The following CPLANE1 variants were observed in gnomAD, a reference collection of about 807,000 sequenced individuals.
The protein encoded by CPLANE1 is ciliogenesis and planar polarity effector complex subunit 1, also known as ciliogenesis and planar polarity effector 1.
Under a neutral mutation model 362.5 loss-of-function variants are expected in CPLANE1, and 263 were observed. That is an observed-to-expected ratio of 0.73 (90% confidence interval 0.66 to 0.80). The LOEUF is 0.80. Among genes scored for constraint, CPLANE1 ranks in the 30% least tolerant of loss-of-function variants. CPLANE1 has a pLI of 0.00. For missense variants in CPLANE1, 3,461 were observed against 3,793.4 expected (o/e 0.91, Z 2.30); for synonymous variants, 1,212 against 1,302.6 (o/e 0.93, Z 1.50).
intron 44 of CPLANE1, chr5:37,140,598 G>T (rs1769380001): frequency 1.0e-6 from 1 of 985,374 alleles, no homozygotes; most frequent in Non-Finnish European, 1.2e-6. Flanking sequence ...TATTTGAGAG[G>T]CCCCTGCTGG....
intron 21 of CPLANE1, 60 bp downstream of exon 21, chr5:37,195,798 A>C: frequency 6.5e-7 from 1 of 1,538,466 alleles, no homozygotes; most frequent in Non-Finnish European, 8.8e-7. Flanking sequence ...TACTTTCCCA[A>C]ATCAAATGAA....
chr5:37,170,571 A>C, intron 32 of CPLANE1, among the ~76,000 whole-genome samples: 1 of 152,112 alleles, frequency 6.6e-6, no homozygotes, highest in Admixed American at 6.5e-5. Context: ...GAAACTTGGA[A>C]CTATTTGTAA....
At chr5:37,113,304 T>C (rs1759880168) in intron 51 of CPLANE1, among the ~76,000 whole-genome samples, 1 of 152,166 alleles carries the variant, frequency 6.6e-6, no homozygotes, top group Non-Finnish European at 1.5e-5. Context: ...GATCTGATAG[T>C]TTTATAAAGG....
chr5:37,091,177 T>A, the CPLANE1 span, among the ~76,000 whole-genome samples: 1 of 152,164 alleles, frequency 6.6e-6, no homozygotes, highest in Admixed American at 6.5e-5. Flanking sequence ...GATTAGAACC[T>A]CATCAGTTAT....
At chr5:37,176,072 A>C in intron 30 of CPLANE1, 86 bp from the exon 31 acceptor site, 1 of 861,506 alleles carries the variant, frequency 1.2e-6, no homozygotes, top group South Asian at 1.5e-5. Context: ...CAGCCATCTA[A>C]GAGTCTAAAC....
the CPLANE1 span, among the ~76,000 whole-genome samples, chr5:37,088,910 G>A: frequency 6.6e-6 from 1 of 152,106 alleles, no homozygotes; most frequent in Non-Finnish European, 1.5e-5. Flanking sequence ...TTATCACAGA[G>A]AGATATTGGT....
intron 29 of CPLANE1, among the ~76,000 whole-genome samples, chr5:37,178,628 A>G (rs1781858339): frequency 1.3e-5 from 2 of 152,108 alleles, no homozygotes; most frequent in Non-Finnish European, 2.9e-5. Context: ...AAAAAAAACA[A>G]AAACACAGAA....
At chr5:37,096,152 G>A in the CPLANE1 span, among the ~76,000 whole-genome samples, 8 of 152,046 alleles carry the variant, frequency 5.3e-5, no homozygotes, top group African/African-American at 1.7e-4. Flanking sequence ...AAACCTAGAG[G>A]CATCACATTA....
Position 37,184,842 on chromosome 5 carries a change from G to T in CPLANE1, c.4427C>A (p.Thr1476Lys). ...TTCAACCGACAAAGCTTCAGAGAAC[G>T]TATCTGCATCACTGTGAACCACAGA... ...GDSVVHSDADTFSEALSVEEK... is the reference protein window; with the variant it reads ...GDSVVHSDADKFSEALSVEEK... Residue 1476 changes from threonine to lysine, a missense_variant, in exon 25 of 53, where the codon ACG (threonine) becomes AAG (lysine). Physicochemically the swap from Thr to Lys is moderately conservative, Grantham distance 78. Coordinates refer to ENST00000651892, the MANE Select transcript of CPLANE1 (RefSeq NM_001384732.1). 1 of 1,613,848 alleles carries T rather than the reference G, an allele frequency of 6.2e-7. No individual in the cohort carries two copies. Among genetic ancestry groups the T allele is most frequent in the South Asian group, 1.1e-5 (1 of 91,022 alleles).
chr5:37,214,160 A>T (rs1187757726), intron 15 of CPLANE1, among the ~76,000 whole-genome samples: 1 of 152,186 alleles, frequency 6.6e-6, no homozygotes, highest in Non-Finnish European at 1.5e-5. Flanking sequence ...ATAAACTATA[A>T]AAAGTTAAAA....
intron 46 of CPLANE1, among the ~76,000 whole-genome samples, chr5:37,127,472 T>C (rs1764489648): frequency 6.6e-6 from 1 of 152,168 alleles, no homozygotes; most frequent in African/African-American, 2.4e-5. Context: ...TGGATGTTCT[T>C]CTGCCACCTT....
At position 37,139,358 on chromosome 5, in the gene CPLANE1, C is replaced by T. The variant is rs1283787523; in HGVS notation, c.8645G>A (p.Ser2882Asn). The change falls in exon 45 of 53, where the codon AGT becomes AAT. Residue 2882 changes from serine to asparagine, a missense_variant. This residue lies in a region of CPLANE1 where 3,380 missense variants were observed against 3,666.1 expected (regional missense o/e 0.92). Transcript: ENST00000651892. ...QNTTSPGMNS[S>N]DELCESVSVH... is the part of the protein sequence containing the mutation. ...TATTTACCTCTCACACAATTCATCA[C>T]TGCTATTCATACCTAAAAAAAAAAT... 2.4e-6 allele frequency: 3 copies of T among 1,243,280 alleles called. No individual in the cohort carries two copies. The highest frequency in any genetic ancestry group is 3.2e-5 in the African/African-American group (2 of 63,352). 77.0% of individuals were successfully genotyped at this position (1,243,280 alleles called of 1,614,324 possible). A position where few individuals can be genotyped will look rare whatever the true frequency, so the allele number is the denominator to read the frequency against.
intron 9 of CPLANE1, among the ~76,000 whole-genome samples, chr5:37,230,016 A>C (rs1797356081): frequency 6.6e-6 from 1 of 152,064 alleles, no homozygotes; most frequent in Admixed American, 6.6e-5. Flanking sequence ...GTCTCTACTA[A>C]AAATACAAAA....
intron 42 of CPLANE1, among the ~76,000 whole-genome samples, chr5:37,150,705 T>C (rs1487243193): frequency 6.6e-6 from 1 of 152,316 alleles, no homozygotes; most frequent in Non-Finnish European, 1.5e-5. Flanking sequence ...AATTCAGGCA[T>C]ATGGTTATTT....
At chr5:37,169,626 G>A (rs1448399911) in intron 33 of CPLANE1, 65 bp from the exon 34 acceptor site, 6 of 1,395,352 alleles carry the variant, frequency 4.3e-6, no homozygotes, top group Admixed American at 2.3e-5. Flanking sequence ...TTTGTAAATG[G>A]CATTCAGTAT....
At chr5:37,186,424 G>A (rs1784006804) in intron 23 of CPLANE1, 30 bp from the exon 24 acceptor site, 1 of 949,388 alleles carries the variant, frequency 1.1e-6, no homozygotes, top group Non-Finnish European at 1.7e-6. Flanking sequence ...TAAGTTTTAT[G>A]AGAAACATCA....
chr5:37,149,587 C>A (rs1280450289), intron 42 of CPLANE1, among the ~76,000 whole-genome samples: 1 of 152,036 alleles, frequency 6.6e-6, no homozygotes, highest in African/African-American at 2.4e-5. Flanking sequence ...GCGTACATAC[C>A]TATGATAAAG....
chr5:37,198,641 TAATA>T (rs1788252789), intron 20 of CPLANE1, 57 bp downstream of exon 20: 1 of 1,448,470 alleles, frequency 6.9e-7, no homozygotes, highest in Admixed American at 2.1e-5. Context: ...ATAAAAACAA[TAATA>T]TAAATATGAG....
At chr5:37,147,227 A>C (rs987738705) in intron 43 of CPLANE1, among the ~76,000 whole-genome samples, 1 of 152,248 alleles carries the variant, frequency 6.6e-6, no homozygotes, top group Non-Finnish European at 1.5e-5. Flanking sequence ...TAAATGTGGA[A>C]CATAATGTAA....
Sources: gnomAD v4.1 joint callset for allele counts (sites outside exome capture counted in the v4.1 genomes callset) on GRCh38, gnomAD v4.1.1 for gene constraint, gnomAD v4.1.1 regional missense constraint, MANE v1.5 for transcripts, NCBI Gene and HGNC (gene_info 2026-07-23, HGNC 2026-07-21) for gene names.